PLEKHA5: variants seen among roughly 807,000 people sequenced by gnomAD.
PLEKHA5 encodes pleckstrin homology domain containing A5, also known as pleckstrin homology domain-containing family A member 5.
In PLEKHA5, 55 loss-of-function variants were observed where a neutral mutation model predicts 181.9. The observed-to-expected ratio is 0.30, with a 90% CI of 0.24 to 0.38. The LOEUF is 0.38. PLEKHA5 is among the 10% of genes least tolerant of loss of function. The probability of loss-of-function intolerance (pLI) is 1.00; values close to 1 mark genes in which losing one functional copy is unlikely to be tolerated. For synonymous variants in PLEKHA5, 535 were observed against 529.4 expected (o/e 1.01, Z -0.15); for missense variants, 1,432 against 1,549.5 (o/e 0.92, Z 1.27).
chr12:19,251,651 C>T (rs2065321747), intron 3 of PLEKHA5, among the ~76,000 whole-genome samples: 1 of 148,954 alleles, frequency 6.7e-6, no homozygotes. Flanking sequence ...TCAAATTGTT[C>T]CTTTAACGTA....
intron 16 of PLEKHA5, among the ~76,000 whole-genome samples, chr12:19,315,191 T>C (rs887269401): frequency 1.3e-5 from 2 of 152,188 alleles, no homozygotes; most frequent in Non-Finnish European, 2.9e-5. Context: ...GCAAAATTAC[T>C]AGATTTTCAT....
intron 13 of PLEKHA5, among the ~76,000 whole-genome samples, chr12:19,288,729 T>C (rs930396298): frequency 5.3e-5 from 8 of 152,246 alleles, no homozygotes; most frequent in Non-Finnish European, 1.2e-4. Context: ...GTGGGAATCT[T>C]AAAACATTAG....
intron 25 of PLEKHA5, among the ~76,000 whole-genome samples, chr12:19,352,827 CT>C (rs2153223275): frequency 6.6e-6 from 1 of 151,992 alleles, no homozygotes; most frequent in Non-Finnish European, 1.5e-5. Context: ...TTCTTACTTG[CT>C]CTGTTGCCCA....
At chr12:19,193,093 A>G (rs1238284410) in intron 3 of PLEKHA5, among the ~76,000 whole-genome samples, 18 of 152,220 alleles carry the variant, frequency 1.2e-4, no homozygotes, top group Admixed American at 1.2e-3. Context: ...TTCAGATTTT[A>G]GACTTTTACA....
chr12:19,189,131 A>C (rs1458876146), intron 3 of PLEKHA5, among the ~76,000 whole-genome samples: 1 of 152,218 alleles, frequency 6.6e-6, no homozygotes, highest in Non-Finnish European at 1.5e-5. Flanking sequence ...ACAGGGTCTA[A>C]AAGAACCCAG....
Sources: allele counts gnomAD v4.1 joint callset (sites outside exome capture counted in the v4.1 genomes callset), GRCh38; gene constraint gnomAD v4.1.1; transcripts MANE v1.5; gene names NCBI Gene and HGNC (gene_info 2026-07-23, HGNC 2026-07-21).